Variants in DGKB observed in about 807,000 individuals in gnomAD.
The protein encoded by DGKB is 90 kDa diacylglycerol kinase.
Under a neutral mutation model 114.3 loss-of-function variants are expected in DGKB, and 67 were observed. The observed-to-expected ratio is 0.59, with a 90% CI of 0.48 to 0.72. The LOEUF is 0.72. DGKB is among the 30% of genes least tolerant of loss of function. DGKB has a pLI of 0.00. For synonymous variants in DGKB, 398 were observed against 323.1 expected, an observed-to-expected ratio of 1.23 and a Z score of -2.49; for missense variants, 907 against 975.2, an observed-to-expected ratio of 0.93 and a Z score of 0.93.
chr7:14,926,421 C>G (rs1353015484), intron 1 of DGKB, among the ~76,000 whole-genome samples: 2 of 151,484 alleles, frequency 1.3e-5, no homozygotes, highest in Non-Finnish European at 2.9e-5. Context: ...TGTTCCTAGA[C>G]AGCTAGCCTA....
At chr7:14,924,833 G>A (rs1462214697) in intron 1 of DGKB, among the ~76,000 whole-genome samples, 1 of 151,898 alleles carries the variant, frequency 6.6e-6, no homozygotes, top group Admixed American at 6.6e-5. Flanking sequence ...TCCTCTCATG[G>A]GAAACTTTAC....
chr7:14,340,325 T>C (rs1171233522), intron 22 of DGKB, among the ~76,000 whole-genome samples: 1 of 151,710 alleles, frequency 6.6e-6, no homozygotes, highest in Admixed American at 6.6e-5. Context: ...AAAAGTAATC[T>C]TGTGTAAATA....
intron 23 of DGKB, among the ~76,000 whole-genome samples, chr7:14,326,313 T>C (rs560248027): frequency 1.2e-3 from 185 of 152,160 alleles, no homozygotes; most frequent in African/African-American, 4.3e-3. Flanking sequence ...CCATGGAATA[T>C]GATAACTCAT....
intron 13 of DGKB, among the ~76,000 whole-genome samples, chr7:14,632,204 A>G (rs941878078): frequency 2.0e-4 from 31 of 151,984 alleles, no homozygotes; most frequent in African/African-American, 7.2e-4. Context: ...TTTGGGGATA[A>G]CTGTAGACAT....
intron 18 of DGKB, among the ~76,000 whole-genome samples, chr7:14,581,275 T>C (rs1235506430): frequency 1.3e-5 from 2 of 152,210 alleles, no homozygotes; most frequent in Non-Finnish European, 2.9e-5. Flanking sequence ...GATATTATTA[T>C]ATACAGCATA....
intron 22 of DGKB, among the ~76,000 whole-genome samples, chr7:14,340,087 C>A (rs1357948183): frequency 6.8e-6 from 1 of 146,178 alleles, no homozygotes; most frequent in African/African-American, 2.5e-5. Context: ...GGGGTAGAAA[C>A]AAATTCTAGA....
intron 4 of DGKB, among the ~76,000 whole-genome samples, chr7:14,739,858 A>G (rs1832298997): frequency 6.6e-6 from 1 of 152,160 alleles, no homozygotes; most frequent in African/African-American, 2.4e-5. Context: ...TTCTTTTACA[A>G]TATCAGGAGT....
At chr7:14,713,781 T>C (rs952130402) in intron 6 of DGKB, among the ~76,000 whole-genome samples, 1 of 151,996 alleles carries the variant, frequency 6.6e-6, no homozygotes, top group Admixed American at 6.6e-5. Context: ...TCTCCATATG[T>C]CAGTTATCTA....
intron 17 of DGKB, among the ~76,000 whole-genome samples, chr7:14,590,266 T>C (rs531734681): frequency 4.0e-4 from 61 of 152,278 alleles, no homozygotes; most frequent in African/African-American, 1.4e-3. Flanking sequence ...AGTCAGCTTT[T>C]TTCCAGCTAT....
At chr7:14,456,088 T>C (rs1327968387) in intron 21 of DGKB, among the ~76,000 whole-genome samples, 2 of 152,058 alleles carry the variant, frequency 1.3e-5, no homozygotes, top group Non-Finnish European at 2.9e-5. Context: ...ACGTAAGTAC[T>C]TAACTCAAAC....
chr7:14,340,698 A>T (rs1334731881), intron 22 of DGKB, among the ~76,000 whole-genome samples: 1 of 151,722 alleles, frequency 6.6e-6, no homozygotes, highest in African/African-American at 2.4e-5. Flanking sequence ...CACGAAAAAG[A>T]TGATAAATAT....
chr7:14,259,384 T>TCC (rs1796407588), intron 23 of DGKB, among the ~76,000 whole-genome samples: 3 of 67,140 alleles, frequency 4.5e-5, no homozygotes, highest in African/African-American at 1.6e-4. Flanking sequence ...AAAGTTTCTC[T>TCC]CTCTCTCTCT....
intron 1 of DGKB, among the ~76,000 whole-genome samples, chr7:14,966,204 A>G (rs1787139990): frequency 6.6e-6 from 1 of 152,094 alleles, no homozygotes; most frequent in African/African-American, 2.4e-5. Context: ...GAAAAATACA[A>G]TTTGACTCTT....
At chr7:14,317,390 T>C (rs1160560949) in intron 23 of DGKB, among the ~76,000 whole-genome samples, 2 of 143,904 alleles carry the variant, frequency 1.4e-5, no homozygotes, top group African/African-American at 5.2e-5. Context: ...AAAACCCCAC[T>C]GTCTCAGCCC....
At chr7:14,473,104 A>T (rs551740944) in intron 21 of DGKB, among the ~76,000 whole-genome samples, 1 of 152,164 alleles carries the variant, frequency 6.6e-6, no homozygotes, top group Non-Finnish European at 1.5e-5. Flanking sequence ...ATGGGGGAAA[A>T]TGTCTCCAGG....
intron 23 of DGKB, among the ~76,000 whole-genome samples, chr7:14,264,562 A>G (rs924782370): frequency 3.3e-5 from 5 of 152,198 alleles, no homozygotes; most frequent in Non-Finnish European, 5.9e-5. Flanking sequence ...AAACCTTAAG[A>G]AAGTCAAGCA....
intron 1 of DGKB, among the ~76,000 whole-genome samples, chr7:14,886,236 G>A (rs937629260): frequency 6.6e-6 from 1 of 151,842 alleles, no homozygotes; most frequent in East Asian, 1.9e-4. Flanking sequence ...TGGAAGCTGG[G>A]AGGTTACTAG....
chr7:14,803,164 A>T (rs1586618002), intron 2 of DGKB, among the ~76,000 whole-genome samples: 1 of 151,182 alleles, frequency 6.6e-6, no homozygotes, highest in African/African-American at 2.4e-5. Flanking sequence ...CTGGTCTTGA[A>T]CTCCTGGCCT....
intron 5 of DGKB, among the ~76,000 whole-genome samples, chr7:14,722,641 G>A (rs1829368574): frequency 1.3e-5 from 2 of 151,838 alleles, no homozygotes; most frequent in Non-Finnish European, 1.5e-5. Context: ...GTGAAACCTC[G>A]TCTCTACTAA....
Sources: gnomAD v4.1 joint callset for allele counts (sites outside exome capture counted in the v4.1 genomes callset) on GRCh38, gnomAD v4.1.1 for gene constraint, MANE v1.5 for transcripts, NCBI Gene and HGNC (gene_info 2026-07-23, HGNC 2026-07-21) for gene names.